KIF21A: variants seen among roughly 807,000 people sequenced by gnomAD.
KIF21A encodes kinesin-like protein KIF21A.
In KIF21A, 114 loss-of-function variants were observed where a neutral mutation model predicts 202.9. That is an observed-to-expected ratio of 0.56 (90% CI 0.48 to 0.66). KIF21A has a LOEUF of 0.66. Among genes scored for constraint, KIF21A ranks in the 30% least tolerant of loss-of-function variants. The pLI, the probability that KIF21A is intolerant of heterozygous loss-of-function variation, is 0.00. For missense variants in KIF21A, 1,677 were observed against 1,994.9 expected (o/e 0.84, Z 3.04); for synonymous variants, 667 against 670.8 (o/e 0.99, Z 0.09).
rs757509242 is a variant in KIF21A, at chr12:39,369,711, C to G, written c.450+18G>C. On this transcript the variant is annotated intron_variant, in intron 3 of 37. Coordinates refer to ENST00000361418, the MANE Select transcript of KIF21A (RefSeq NM_001173464.2). The stretch of plus-strand genomic sequence containing the variant: ...GAACAAAATTTAAAAGAAATTAATG[C>G]CAAAATTGGATTATTACCTCTAAGA... 1 of 1,601,158 alleles carries G rather than the reference C, an allele frequency of 6.2e-7. No homozygotes were observed. The highest frequency in any genetic ancestry group is 8.5e-7 in the Non-Finnish European group (1 of 1,171,646).
intron 37 of KIF21A, among the ~76,000 whole-genome samples, chr12:39,298,042 T>A (rs1265939580): frequency 6.6e-6 from 1 of 152,010 alleles, no homozygotes; most frequent in Non-Finnish European, 1.5e-5. Context: ...AACCCCCCTA[T>A]TGTAAACAAA....
chr12:39,341,910 A>T (rs1462481330), intron 13 of KIF21A, 124 bp downstream of exon 13: 26 of 744,800 alleles, frequency 3.5e-5, no homozygotes. Context: ...TCTTCAAAGA[A>T]ATAGATTAAA....
intron 12 of KIF21A, among the ~76,000 whole-genome samples, chr12:39,344,692 T>G (rs770402919): frequency 1.3e-5 from 2 of 152,186 alleles, no homozygotes; most frequent in African/African-American, 2.4e-5. Context: ...TAACTTTACA[T>G]TATTAATTTA....
At chr12:39,412,525 C>T (rs982898224) in intron 1 of KIF21A, among the ~76,000 whole-genome samples, 10 of 152,030 alleles carry the variant, frequency 6.6e-5, no homozygotes, top group Non-Finnish European at 1.0e-4. Context: ...AAGACCAGCC[C>T]GGGCAACATG....
In KIF21A at chr12:39,333,037, C is replaced by T. The variant is rs750509204; in HGVS notation, c.2558G>A (p.Ser853Asn). ...KVAGKVTRKLSSSDAPAQDTG... is the reference protein window; with the variant it reads ...KVAGKVTRKLNSSDAPAQDTG... Reference sequence around the variant, plus strand: ...GTCCTGAGCAGGTGCATCAGATGAACTCAGCTTCCGAGTAACTTTCCCAGC... The same window carrying T: ...GTCCTGAGCAGGTGCATCAGATGAATTCAGCTTCCGAGTAACTTTCCCAGC... The change falls in exon 19 of 38, where the codon AGT becomes AAT. Residue 853 changes from serine (S) to asparagine (N), a missense_variant. Ser to Asn is a conservative substitution (Grantham distance 46). Around this residue, in one of 3 missense-constraint regions of KIF21A, gnomAD observed 966 missense variants for 1,180.9 expected, o/e 0.82. Transcript: ENST00000361418. 1.9e-6 allele frequency: 3 copies of T among 1,613,966 alleles called. No individual in the cohort carries two copies. The highest frequency in any genetic ancestry group is 4.5e-5 in the East Asian group (2 of 44,896).
intron 27 of KIF21A, chr12:39,321,434 T>C (rs1945242702): frequency 2.0e-5 from 3 of 152,198 alleles, no homozygotes; most frequent in Admixed American, 2.0e-4. Context: ...ACACATTTAG[T>C]TCCTAAAATC....
intron 1 of KIF21A, among the ~76,000 whole-genome samples, chr12:39,419,115 A>C (rs879776490): frequency 6.6e-6 from 1 of 152,216 alleles, no homozygotes; most frequent in Non-Finnish European, 1.5e-5. Flanking sequence ...AATGGCATGA[A>C]ATGGTATGAC....
intron 24 of KIF21A, among the ~76,000 whole-genome samples, chr12:39,326,541 A>G (rs1047771104): frequency 1.3e-5 from 2 of 152,230 alleles, no homozygotes; most frequent in African/African-American, 4.8e-5. Flanking sequence ...TCAAATAGGA[A>G]AACCATGACT....
At chr12:39,347,253 T>C (rs1398754531) in intron 11 of KIF21A, among the ~76,000 whole-genome samples, 1 of 145,984 alleles carries the variant, frequency 6.9e-6, no homozygotes, top group Non-Finnish European at 1.5e-5. Flanking sequence ...AAAAGGGGGG[T>C]GGGGAGAAAA....
At chr12:39,381,907 G>T (rs1486194082) in intron 1 of KIF21A, among the ~76,000 whole-genome samples, 2 of 152,172 alleles carry the variant, frequency 1.3e-5, no homozygotes, top group South Asian at 2.1e-4. Flanking sequence ...CTGCTGGACT[G>T]CAAGAAGAAA....
At chr12:39,379,981 T>C (rs1164649055) in intron 1 of KIF21A, among the ~76,000 whole-genome samples, 1 of 152,240 alleles carries the variant, frequency 6.6e-6, no homozygotes, top group African/African-American at 2.4e-5. Flanking sequence ...TTTTTTGTTT[T>C]TTAAGAGACG....
chr12:39,334,000 G>A (rs534678096), intron 17 of KIF21A, among the ~76,000 whole-genome samples: 8 of 151,734 alleles, frequency 5.3e-5, no homozygotes, highest in Non-Finnish European at 8.8e-5. Context: ...TCAGGAGTTC[G>A]AGACCAGCCT....
At chr12:39,357,124 CCA>C in intron 9 of KIF21A, 122 bp downstream of exon 9, 1 of 830,666 alleles carries the variant, frequency 1.2e-6, no homozygotes. Flanking sequence ...TAACTTAAAA[CCA>C]CAGACTGTAT....
At chr12:39,324,046 G>A (rs536277407) in intron 26 of KIF21A, among the ~76,000 whole-genome samples, 1 of 151,946 alleles carries the variant, frequency 6.6e-6, no homozygotes, top group Admixed American at 6.5e-5. Context: ...GAAGGCGGAG[G>A]TTGCAGTGAG....
chr12:39,311,346 G>T, intron 32 of KIF21A, 71 bp downstream of exon 32: 2 of 1,392,166 alleles, frequency 1.4e-6, no homozygotes, highest in Non-Finnish European at 2.0e-6. Context: ...CAGTTTTCTA[G>T]AATATGTTAA....
chr12:39,340,325 A>T lies in KIF21A; in HGVS notation c.2150T>A (p.Val717Asp). The T allele has an allele frequency of 2.5e-6, 4 of 1,611,386 alleles. No individual in the cohort carries two copies. Among genetic ancestry groups the T allele is most frequent in the Non-Finnish European group, 3.4e-6 (4 of 1,178,706 alleles). The change falls in exon 16 of 38, where the codon GTT (valine) becomes GAT (aspartate). Residue 717 changes from valine to aspartate, a missense_variant. By Grantham distance (152) the Val-to-Asp change is radical. Transcript: ENST00000361418. The stretch of plus-strand genomic sequence containing the variant: ...GAGTTTCTTTTCATATTCAGACCTA[A>T]CTTTTTTTGCTTTTTCTTCTGAGTA... The part of the protein sequence containing the change: ...ESYSEEKAKK[V>D]RSEYEKKLQA...
chr12:39,370,646 T>C (rs1411883022), intron 1 of KIF21A, among the ~76,000 whole-genome samples: 1 of 152,080 alleles, frequency 6.6e-6, no homozygotes, highest in East Asian at 1.9e-4. Flanking sequence ...TTTCCAGTGA[T>C]GATAGTATGG....
At chr12:39,418,940 T>A (rs1055967531) in intron 1 of KIF21A, among the ~76,000 whole-genome samples, 1 of 152,256 alleles carries the variant, frequency 6.6e-6, no homozygotes, top group Non-Finnish European at 1.5e-5. Context: ...AATTGCTATT[T>A]GTTCAATTAC....
intron 1 of KIF21A, among the ~76,000 whole-genome samples, chr12:39,387,867 G>T (rs949240112): frequency 6.6e-6 from 1 of 152,170 alleles, no homozygotes; most frequent in Non-Finnish European, 1.5e-5. Context: ...GGCAGTAACT[G>T]CTAAATGTCT....
Sources: gnomAD v4.1 joint callset for allele counts (sites outside exome capture counted in the v4.1 genomes callset) on GRCh38, gnomAD v4.1.1 for gene constraint, gnomAD v4.1.1 regional missense constraint, MANE v1.5 for transcripts, NCBI Gene and HGNC (gene_info 2026-07-23, HGNC 2026-07-21) for gene names.